The following MKLN1 variants were observed in gnomAD, a reference collection of about 807,000 sequenced individuals.
MKLN1 encodes muskelin 1.
A neutral mutation model predicts 99.0 loss-of-function variants in MKLN1; 18 were observed. The ratio of observed to expected loss-of-function variants is 0.18; its 90% confidence interval spans 0.13 to 0.27. The LOEUF is 0.27. MKLN1 is among the 10% of genes least tolerant of loss of function. The probability of loss-of-function intolerance (pLI) is 1.00; values close to 1 mark genes in which losing one functional copy is unlikely to be tolerated. For synonymous variants in MKLN1, 288 were observed against 293.2 expected (o/e 0.98, Z 0.18); for missense variants, 621 against 875.9 (o/e 0.71, Z 3.67).
At chr7:131,421,315 T>C (rs566096682) in intron 8 of MKLN1, among the ~76,000 whole-genome samples, 2 of 152,320 alleles carry the variant, frequency 1.3e-5, no homozygotes, top group Admixed American at 1.3e-4. Flanking sequence ...AGCCCTGTTA[T>C]TGATCAGCAG....
At chr7:131,400,277 C>T (rs1450414644) in intron 6 of MKLN1, among the ~76,000 whole-genome samples, 1 of 151,340 alleles carries the variant, frequency 6.6e-6, no homozygotes, top group Non-Finnish European at 1.5e-5. Flanking sequence ...AAAAAAAAAC[C>T]AGACTTGTAC....
At chr7:131,353,301 A>G (rs1799773447) in intron 1 of MKLN1, among the ~76,000 whole-genome samples, 1 of 152,052 alleles carries the variant, frequency 6.6e-6, no homozygotes, top group Admixed American at 6.5e-5. Context: ...TTTAGCTATT[A>G]TGATAGGCAT....
At chr7:131,353,931 G>A (rs944934104) in intron 1 of MKLN1, among the ~76,000 whole-genome samples, 1 of 145,266 alleles carries the variant, frequency 6.9e-6, no homozygotes, top group Non-Finnish European at 1.5e-5. Context: ...AAAACCAGTT[G>A]GGCATATATG....
chr7:131,353,362 C>T (rs557972684), intron 1 of MKLN1, among the ~76,000 whole-genome samples: 5 of 152,122 alleles, frequency 3.3e-5, no homozygotes, highest in African/African-American at 1.2e-4. Context: ...TAATGTTGCA[C>T]ATCTCGTGTT....
intron 2 of MKLN1, among the ~76,000 whole-genome samples, chr7:131,202,146 CTTTTTTTTTTTTTTT>C (rs58800874): frequency 1.8e-4 from 11 of 60,276 alleles, no homozygotes; most frequent in African/African-American, 3.7e-4. Context: ...GCACTATTGA[CTTTTTTTTTTTTTTT>C]TTTTTTTTTT....
chr7:131,323,004 C>T (rs777545077), upstream of MKLN1, among the ~76,000 whole-genome samples: 3 of 152,200 alleles, frequency 2.0e-5, no homozygotes, highest in South Asian at 4.1e-4. Context: ...GATTACAATT[C>T]GAGATGACAT....
intron 1 of MKLN1, among the ~76,000 whole-genome samples, chr7:131,137,990 A>T (rs1485142345): frequency 8.7e-4 from 121 of 138,382 alleles, no homozygotes; most frequent in Non-Finnish European, 2.7e-4. Context: ...CAATGGCGTG[A>T]TCTCGGCTCA....
chr7:131,396,641 T>A (rs896290025), intron 4 of MKLN1, among the ~76,000 whole-genome samples: 2 of 152,174 alleles, frequency 1.3e-5, no homozygotes, highest in Non-Finnish European at 2.9e-5. Flanking sequence ...GGTTTAAAAA[T>A]AATAATGTAT....
chr7:131,276,026 A>G (rs1797969466), intron 3 of MKLN1, among the ~76,000 whole-genome samples: 2 of 152,204 alleles, frequency 1.3e-5, no homozygotes, highest in African/African-American at 4.8e-5. Flanking sequence ...TAGGGGAAGA[A>G]GGGAGGTGCT....
chr7:131,307,589 TGGAG>T (rs1798486513), intron 3 of MKLN1, among the ~76,000 whole-genome samples: 2 of 152,208 alleles, frequency 1.3e-5, no homozygotes. Flanking sequence ...ATGTGAGACA[TGGAG>T]TCAAAGGAGA....
At chr7:131,231,219 AG>A (rs67518018) in intron 3 of MKLN1, among the ~76,000 whole-genome samples, 14,411 of 151,414 alleles carry the variant, frequency 0.095, 792 homozygotes, top group African/African-American at 0.14. Context: ...AGCGGTACAG[AG>A]GAGGGACAGT....
intron 3 of MKLN1, among the ~76,000 whole-genome samples, chr7:131,243,495 C>G (rs1268884019): frequency 6.6e-6 from 1 of 152,100 alleles, no homozygotes; most frequent in Non-Finnish European, 1.5e-5. Context: ...CATCATAATC[C>G]TAAACCTATT....
rs1797475823 is a variant in MKLN1, at chr7:131,493,441, ATT to A, written c.*5716_*5717del. On this transcript the variant is annotated 3_prime_UTR_variant, in exon 18 of 18. Coordinates refer to ENST00000352689, the MANE Select transcript of MKLN1 (RefSeq NM_013255.5). ...TTTCTTCATTTCTAACCCTAAAATA[ATT>A]TTGTTAATGAGATGCTGGGAAGAAG... 1 of 152,196 alleles carries A rather than the reference ATT, an allele frequency of 6.6e-6. No individual in the cohort carries two copies. Among genetic ancestry groups the A allele is most frequent in the Non-Finnish European group, 1.5e-5 (1 of 68,024 alleles). The allele number at this position is 152,196 out of a possible 1,614,324, so 9.4% of individuals were successfully genotyped here. A position where few individuals can be genotyped will look rare whatever the true frequency, so the allele number is the denominator to read the frequency against.
intron 3 of MKLN1, among the ~76,000 whole-genome samples, chr7:131,266,869 T>A (rs1321408138): frequency 6.6e-6 from 1 of 151,760 alleles, no homozygotes; most frequent in Non-Finnish European, 1.5e-5. Flanking sequence ...AGGACTAGAG[T>A]GTCTTGGGGA....
intron 3 of MKLN1, among the ~76,000 whole-genome samples, chr7:131,267,125 G>A (rs1019045346): frequency 6.6e-6 from 1 of 151,982 alleles, no homozygotes; most frequent in Admixed American, 6.6e-5. Context: ...TTGAGGTCAG[G>A]AGTTTGAGAC....
intron 2 of MKLN1, among the ~76,000 whole-genome samples, chr7:131,196,511 A>G (rs1458490234): frequency 7.7e-6 from 1 of 129,246 alleles, no homozygotes; most frequent in East Asian, 2.4e-4. Flanking sequence ...TTTGTAAGCT[A>G]ATACTCGACA....
chr7:131,401,149 A>C (rs1015115639), intron 6 of MKLN1, among the ~76,000 whole-genome samples: 4 of 152,166 alleles, frequency 2.6e-5, no homozygotes, highest in Non-Finnish European at 4.4e-5. Flanking sequence ...AGCTTCTTGT[A>C]ATGGAGGATA....
At chr7:131,341,010 T>C (rs1269734622) in intron 1 of MKLN1, among the ~76,000 whole-genome samples, 1 of 152,330 alleles carries the variant, frequency 6.6e-6, no homozygotes, top group East Asian at 1.9e-4. Context: ...TTATAGGTAA[T>C]ATTTTTAATG....
chr7:131,309,083 A>G (rs1798515597), intron 3 of MKLN1, among the ~76,000 whole-genome samples: 1 of 152,238 alleles, frequency 6.6e-6, no homozygotes, highest in Admixed American at 6.5e-5. Flanking sequence ...TCGAATTGCA[A>G]GGGAACTAGA....
Sources: gnomAD v4.1 joint callset for allele counts (sites outside exome capture counted in the v4.1 genomes callset) on GRCh38, gnomAD v4.1.1 for gene constraint, MANE v1.5 for transcripts, NCBI Gene and HGNC (gene_info 2026-07-23, HGNC 2026-07-21) for gene names.